KCNJ3: variants seen among roughly 807,000 people sequenced by gnomAD.
KCNJ3 encodes the protein potassium inwardly rectifying channel subfamily J member 3, also known as G protein-activated inward rectifier potassium channel 1.
In KCNJ3, 4 loss-of-function variants were observed where a neutral mutation model predicts 39.2. The observed-to-expected ratio is 0.10, with a 90% CI of 0.05 to 0.23. The LOEUF is 0.23. KCNJ3 is among the 10% of genes least tolerant of loss of function. The pLI is 1.00. For synonymous variants in KCNJ3, 230 were observed against 237.4 expected, an observed-to-expected ratio of 0.97 and a Z score of 0.29; for missense variants, 276 against 634.9, an observed-to-expected ratio of 0.43 and a Z score of 6.08.
chr2:154,718,623 T>G (rs1360032739), intron 2 of KCNJ3, among the ~76,000 whole-genome samples: 4 of 152,228 alleles, frequency 2.6e-5, no homozygotes, highest in East Asian at 1.9e-4. Context: ...TTTTTGCACT[T>G]AGGATTGGTG....
At chr2:154,788,393 T>C (rs1686570827) in intron 2 of KCNJ3, among the ~76,000 whole-genome samples, 1 of 152,152 alleles carries the variant, frequency 6.6e-6, no homozygotes, top group Non-Finnish European at 1.5e-5. Context: ...CCAGTGAATA[T>C]CAGACTGCTG....
chr2:154,794,495 TC>T (rs1169819636), intron 2 of KCNJ3, among the ~76,000 whole-genome samples: 1 of 152,016 alleles, frequency 6.6e-6, no homozygotes. Context: ...TGGTGCTTGT[TC>T]CAAGTTAGAG....
chr2:154,770,892 C>CTTTTTTTTTTTTTTTTTTTTTTTTTT, intron 2 of KCNJ3, among the ~76,000 whole-genome samples: 1 of 127,686 alleles, frequency 7.8e-6, no homozygotes, highest in Non-Finnish European at 1.6e-5. Context: ...TTTTCTTTTT[C>CTTTTTTTTTTTTTTTTTTTTTTTTTT]TTTTTTTTTT....
chr2:154,828,562 A>G (rs1687308403), intron 2 of KCNJ3, among the ~76,000 whole-genome samples: 2 of 152,150 alleles, frequency 1.3e-5, no homozygotes, highest in African/African-American at 4.8e-5. Context: ...TGGGTTTGAG[A>G]GATGTCCATA....
chr2:154,824,556 G>A (rs1253433336), intron 2 of KCNJ3, among the ~76,000 whole-genome samples: 5 of 151,912 alleles, frequency 3.3e-5, no homozygotes, highest in Admixed American at 1.3e-4. Flanking sequence ...TTAAAGTCAA[G>A]GATTTATTGA....
intron 2 of KCNJ3, among the ~76,000 whole-genome samples, chr2:154,755,949 A>T (rs1257035753): frequency 6.6e-6 from 1 of 152,090 alleles, no homozygotes; most frequent in African/African-American, 2.4e-5. Flanking sequence ...AGATGTTAAA[A>T]CAATTTCTGT....
chr2:154,779,749 G>A (rs1686402754), intron 2 of KCNJ3, among the ~76,000 whole-genome samples: 1 of 151,564 alleles, frequency 6.6e-6, no homozygotes, highest in Non-Finnish European at 1.5e-5. Context: ...TCACCATGTT[G>A]GCCAGGATGT....
intron 2 of KCNJ3, among the ~76,000 whole-genome samples, chr2:154,836,882 T>TA (rs1421945559): frequency 6.6e-6 from 1 of 152,150 alleles, no homozygotes; most frequent in Non-Finnish European, 1.5e-5. Flanking sequence ...AAGGAGATGT[T>TA]AAAAAATAGC....
At chr2:154,756,697 A>C (rs1685942786) in intron 2 of KCNJ3, among the ~76,000 whole-genome samples, 1 of 152,138 alleles carries the variant, frequency 6.6e-6, no homozygotes, top group Non-Finnish European at 1.5e-5. Flanking sequence ...CCACCATGGC[A>C]CGTGTATACC....
intron 2 of KCNJ3, among the ~76,000 whole-genome samples, chr2:154,837,002 A>G (rs1574481040): frequency 6.6e-6 from 1 of 152,330 alleles, no homozygotes; most frequent in East Asian, 1.9e-4. Context: ...AGTGTATTTT[A>G]AAGGTGATCA....
chr2:154,781,580 A>C (rs1171374434), intron 2 of KCNJ3, among the ~76,000 whole-genome samples: 1 of 152,190 alleles, frequency 6.6e-6, no homozygotes, highest in Non-Finnish European at 1.5e-5. Context: ...AATTTGTACC[A>C]CTTAAAGTGC....
intron 2 of KCNJ3, among the ~76,000 whole-genome samples, chr2:154,817,148 A>G (rs543073988): frequency 3.9e-5 from 6 of 152,188 alleles, no homozygotes; most frequent in African/African-American, 1.4e-4. Context: ...ATAAGAACCT[A>G]TGTTTGGTTT....
At chr2:154,835,514 T>TTC (rs1178884581) in intron 2 of KCNJ3, among the ~76,000 whole-genome samples, 11 of 136,440 alleles carry the variant, frequency 8.1e-5, no homozygotes, top group African/African-American at 1.1e-4. Context: ...TCAAAATATA[T>TTC]ATATATGAAT....
At chr2:154,729,714 T>A (rs1409111543) in intron 2 of KCNJ3, among the ~76,000 whole-genome samples, 1 of 152,188 alleles carries the variant, frequency 6.6e-6, no homozygotes, top group African/African-American at 2.4e-5. Context: ...TAAGATGCTA[T>A]ATATAAAGCA....
intron 2 of KCNJ3, among the ~76,000 whole-genome samples, chr2:154,727,542 G>A (rs1407306935): frequency 6.9e-6 from 1 of 144,060 alleles, no homozygotes; most frequent in Non-Finnish European, 1.5e-5. Flanking sequence ...CTGGTGAGCC[G>A]AGATCGTGCC....
Position 154,780,561 on chromosome 2 carries a change from G to A in KCNJ3, c.919+70742G>A, listed in dbSNP as rs888048927. Reference sequence around the variant, plus strand: ...AGCAAGGCAGTGGAGACAGAGAAGAGGAACCTAGTTATTAGTGCAGTGGGT... The same window carrying A: ...AGCAAGGCAGTGGAGACAGAGAAGAAGAACCTAGTTATTAGTGCAGTGGGT... On this transcript the variant is annotated intron_variant, in intron 2 of 2. Transcript: ENST00000295101. Among the ~76,000 whole-genome samples, 8 of 152,144 alleles carry A rather than the reference G, an allele frequency of 5.3e-5. No individual in the cohort carries two copies. In the East Asian group the frequency reaches 1.4e-3, roughly 26 times the overall value.
intron 1 of KCNJ3, among the ~76,000 whole-genome samples, chr2:154,707,199 C>T (rs763041258): frequency 1.6e-4 from 24 of 150,874 alleles, no homozygotes; most frequent in Non-Finnish European, 2.7e-4. Context: ...CCCAAAGTGT[C>T]GTATAATAGG....
At chr2:154,831,261 A>C (rs191904683) in intron 2 of KCNJ3, among the ~76,000 whole-genome samples, 1 of 152,158 alleles carries the variant, frequency 6.6e-6, no homozygotes, top group Non-Finnish European at 1.5e-5. Context: ...TTTCCCTTCA[A>C]TATACAACAC....
At chr2:154,821,635 ATTTT>A (rs71422263) in intron 2 of KCNJ3, among the ~76,000 whole-genome samples, 8 of 88,072 alleles carry the variant, frequency 9.1e-5, no homozygotes, top group African/African-American at 1.7e-4. Flanking sequence ...AGAATATGTG[ATTTT>A]TTTTTTTTTT....
Sources: gnomAD v4.1 joint callset for allele counts (sites outside exome capture counted in the v4.1 genomes callset) on GRCh38, gnomAD v4.1.1 for gene constraint, MANE v1.5 for transcripts, NCBI Gene and HGNC (gene_info 2026-07-23, HGNC 2026-07-21) for gene names.